The following TNFSF11 variants were observed in gnomAD, a reference collection of about 807,000 sequenced individuals.
TNFSF11 encodes the protein tumor necrosis factor ligand superfamily member 11.
A neutral mutation model predicts 32.2 loss-of-function variants in TNFSF11; 12 were observed. That is an observed-to-expected ratio of 0.37 (90% CI 0.24 to 0.60). The LOEUF (loss-of-function observed/expected upper bound fraction) is 0.60, where lower values mean the gene tolerates loss of function less well. Ranked by LOEUF, TNFSF11 falls within the 20% of genes least tolerant of loss-of-function variation. The probability of loss-of-function intolerance (pLI) is 0.66; values close to 1 mark genes in which losing one functional copy is unlikely to be tolerated. For synonymous variants in TNFSF11, 172 were observed against 152.1 expected (o/e 1.13, Z -0.96); for missense variants, 345 against 398.0 (o/e 0.87, Z 1.13).
At chr13:42,569,092 G>T (rs73174423) in intron 2 of TNFSF11, among the ~76,000 whole-genome samples, 14 of 152,194 alleles carry the variant, frequency 9.2e-5, no homozygotes, top group Non-Finnish European at 1.8e-4. Context: ...AACGCCCTCC[G>T]CCACGAAGGA....
At chr13:42,596,754 A>C (rs570581635) in intron 2 of TNFSF11, among the ~76,000 whole-genome samples, 4 of 152,382 alleles carry the variant, frequency 2.6e-5, no homozygotes, top group South Asian at 2.1e-4. Context: ...GACTATAGTA[A>C]ACCCTTAACT....
chr13:42,600,394 T>C (rs566175671), intron 2 of TNFSF11, among the ~76,000 whole-genome samples: 1 of 152,354 alleles, frequency 6.6e-6, no homozygotes, highest in Non-Finnish European at 1.5e-5. Flanking sequence ...GGTCATATAT[T>C]CTGTGTAGTT....
intron 1 of TNFSF11, among the ~76,000 whole-genome samples, chr13:42,577,007 A>G (rs1390235703): frequency 2.0e-5 from 3 of 152,220 alleles, no homozygotes; most frequent in South Asian, 2.1e-4. Context: ...ATTTTCACTT[A>G]TATCGGCTCT....
At chr13:42,580,224 C>T (rs116559708) in intron 1 of TNFSF11, among the ~76,000 whole-genome samples, 2,069 of 152,300 alleles carry the variant, frequency 0.014, 39 homozygotes, top group African/African-American at 0.046. Context: ...TTACCCTTTA[C>T]TTCACAGTTG....
chr13:42,606,438 GA>G, intron 4 of TNFSF11, 58 bp from the exon 5 acceptor site: 2 of 1,601,328 alleles, frequency 1.2e-6, no homozygotes, highest in Non-Finnish European at 1.7e-6. Context: ...ATAGAATTGT[GA>G]AGACGTCCTT....
At chr13:42,567,828 T>C (rs567730730) in intron 2 of TNFSF11, among the ~76,000 whole-genome samples, 1 of 152,212 alleles carries the variant, frequency 6.6e-6, no homozygotes, top group Non-Finnish European at 1.5e-5. Context: ...ACTTAACAAA[T>C]AAACGATGTT....
intron 1 of TNFSF11, among the ~76,000 whole-genome samples, chr13:42,578,500 T>C (rs966222167): frequency 4.6e-5 from 7 of 152,232 alleles, no homozygotes; most frequent in African/African-American, 1.4e-4. Context: ...AAAATAAATT[T>C]CTAATGTGTG....
intron 4 of TNFSF11, among the ~76,000 whole-genome samples, chr13:42,602,305 C>T (rs535789552): frequency 2.0e-5 from 3 of 152,130 alleles, no homozygotes; most frequent in South Asian, 2.1e-4. Context: ...TGTGGAAGAA[C>T]GGCCATAGTA....
intron 4 of TNFSF11, 125 bp downstream of exon 4, chr13:42,601,106 A>G (rs1210278066): frequency 4.9e-6 from 5 of 1,017,986 alleles, no homozygotes; most frequent in Non-Finnish European, 7.5e-6. Context: ...AAGCCAAAGG[A>G]AAGACCATTC....
At chr13:42,604,400 G>A (rs1459500386) in intron 4 of TNFSF11, among the ~76,000 whole-genome samples, 1 of 152,200 alleles carries the variant, frequency 6.6e-6, no homozygotes, top group Non-Finnish European at 1.5e-5. Flanking sequence ...AAAAAGAAGG[G>A]TGTTTATTGT....
chr13:42,574,099 C>T (rs115355707), upstream of TNFSF11: 52 of 615,596 alleles, frequency 8.4e-5, no homozygotes, highest in Non-Finnish European at 1.2e-4. Context: ...GATTGGCTCC[C>T]GAGGCCAGGG....
chr13:42,586,673 T>C (rs778090718), intron 2 of TNFSF11, among the ~76,000 whole-genome samples: 1 of 152,210 alleles, frequency 6.6e-6, no homozygotes, highest in Non-Finnish European at 1.5e-5. Flanking sequence ...CTCCAAAATA[T>C]GAAAAGCCAA....
Position 42,574,479 on chromosome 13 carries a change from A to G in TNFSF11, c.176A>G (p.Gln59Arg). 1 of 1,609,380 alleles carries G rather than the reference A, an allele frequency of 6.2e-7. No homozygotes were observed. Among genetic ancestry groups the G allele is most frequent in the Non-Finnish European group, 8.5e-7 (1 of 1,179,830 alleles). The change falls in exon 1 of 5, where the codon CAG becomes CGG. Residue 59 changes from glutamine (Q) to arginine (R), a missense_variant. Around this residue, in one of 2 missense-constraint regions of TNFSF11, gnomAD observed 197 missense variants for 182.0 expected, o/e 1.08. Transcript: ENST00000398795. ...FVALLGLGLG[Q>R]VVCSVALFFY... ...GCCCTCCTGGGGCTGGGGCTGGGCC[A>G]GGTTGTCTGCAGCGTCGCCCTGTTC...
At chr13:42,604,847 G>A (rs1307353080) in intron 4 of TNFSF11, among the ~76,000 whole-genome samples, 6 of 152,240 alleles carry the variant, frequency 3.9e-5, no homozygotes, top group African/African-American at 1.4e-4. Context: ...GCCGTAGCGC[G>A]ATCTTGGCTC....
intron 2 of TNFSF11, among the ~76,000 whole-genome samples, chr13:42,583,103 C>T (rs1378818795): frequency 6.6e-6 from 1 of 152,004 alleles, no homozygotes; most frequent in East Asian, 1.9e-4. Context: ...CAAGTTAATT[C>T]TGAAAATAAA....
chr13:42,563,095 T>C (rs1009078549), intron 1 of TNFSF11: 4 of 152,182 alleles, frequency 2.6e-5, no homozygotes, highest in Non-Finnish European at 4.4e-5. Context: ...AAGAGTTCAC[T>C]CTGAACATTT....
chr13:42,566,091 T>C (rs538322465), intron 1 of TNFSF11, among the ~76,000 whole-genome samples: 1 of 152,284 alleles, frequency 6.6e-6, no homozygotes, highest in African/African-American at 2.4e-5. Context: ...TTTACAGCAA[T>C]GAGCAGACCT....
intron 2 of TNFSF11, among the ~76,000 whole-genome samples, chr13:42,591,666 C>T (rs1868490040): frequency 1.3e-5 from 2 of 152,200 alleles, no homozygotes; most frequent in Admixed American, 6.5e-5. Flanking sequence ...TGTTCCCCCA[C>T]ATCCTGTGGA....
chr13:42,589,584 C>T (rs1254110705), intron 2 of TNFSF11, among the ~76,000 whole-genome samples: 1 of 152,200 alleles, frequency 6.6e-6, no homozygotes, highest in Non-Finnish European at 1.5e-5. Context: ...CGTTCCAGCC[C>T]CTGCCTCTTC....
Sources: allele counts gnomAD v4.1 joint callset (sites outside exome capture counted in the v4.1 genomes callset), GRCh38; gene constraint gnomAD v4.1.1; regional missense constraint gnomAD v4.1.1; transcripts MANE v1.5; gene names NCBI Gene and HGNC (gene_info 2026-07-23, HGNC 2026-07-21).